The following LRTM3 variants were observed in gnomAD, a reference collection of about 807,000 sequenced individuals.
LRTM3 encodes leucine rich repeat transmembrane protein 3, also known as leucine-rich repeat transmembrane protein 3.
chr13:102,740,329 T>C, the LRTM3 span: 2 of 1,550,300 alleles, frequency 1.3e-6, no homozygotes, highest in Non-Finnish European at 1.7e-6. Context: ...CAATCCATTC[T>C]AGTCTATTCT....
At chr13:102,740,517 A>G in the LRTM3 span, 2 of 1,549,938 alleles carry the variant, frequency 1.3e-6, no homozygotes, top group South Asian at 1.2e-5. Flanking sequence ...ATTGGTAGGT[A>G]CTGCCATTTT....
At chr13:102,746,081 A>G in the LRTM3 span, 1 of 1,551,118 alleles carries the variant, frequency 6.4e-7, no homozygotes, top group East Asian at 2.4e-5. Context: ...GGCTTTTTGT[A>G]GTTCTTCAGC....
the LRTM3 span, chr13:102,738,139 T>C: frequency 6.4e-7 from 1 of 1,551,156 alleles, no homozygotes; most frequent in Non-Finnish European, 8.7e-7. Context: ...TATTCAATGG[T>C]AGGTCCTGTG....
At chr13:102,749,052 G>A in the LRTM3 span, 1 of 1,550,544 alleles carries the variant, frequency 6.4e-7, no homozygotes. Context: ...GGCAGAATAA[G>A]CTTGGAAACA....
chr13:102,732,790 T>A, the LRTM3 span: 1 of 1,551,396 alleles, frequency 6.4e-7, no homozygotes, highest in Non-Finnish European at 8.7e-7. Flanking sequence ...TTGTGCCTAT[T>A]TTTAATTTCC....
At chr13:102,740,487 C>T in the LRTM3 span, 204 of 1,550,010 alleles carry the variant, frequency 1.3e-4, 1 homozygote, top group African/African-American at 2.6e-3. Context: ...GATATATGCT[C>T]CCAAAAGTTC....
chr13:102,753,494 T>TAAAAAAAAAAAAAAAAA, the LRTM3 span, among the ~76,000 whole-genome samples: 1 of 124,440 alleles, frequency 8.0e-6, no homozygotes, highest in African/African-American at 3.4e-5. Context: ...AAAGTAAAAT[T>TAAAAAAAAAAAAAAAAA]AAAAAAAAAA....
the LRTM3 span, chr13:102,737,069 G>A: frequency 1.9e-6 from 3 of 1,551,000 alleles, no homozygotes; most frequent in African/African-American, 4.1e-5. Flanking sequence ...TACTTCTCTA[G>A]TTTTTGAGCC....
At chr13:102,735,306 T>G in the LRTM3 span, 1 of 1,551,136 alleles carries the variant, frequency 6.4e-7, no homozygotes, top group Non-Finnish European at 8.7e-7. Context: ...TTTAATTGCT[T>G]TACATCACTT....
the LRTM3 span, chr13:102,735,218 A>G: frequency 6.4e-7 from 1 of 1,551,326 alleles, no homozygotes. Context: ...CTTCAAATAC[A>G]TTTTGTTGGG....
the LRTM3 span, among the ~76,000 whole-genome samples, chr13:102,752,656 G>C: frequency 2.0e-5 from 3 of 152,136 alleles, no homozygotes; most frequent in Admixed American, 6.5e-5. Context: ...TCAAATTTTA[G>C]AGCACTTATT....
the LRTM3 span, among the ~76,000 whole-genome samples, chr13:102,753,494 T>TAAAAAAAAAA: frequency 8.0e-6 from 1 of 124,440 alleles, no homozygotes. Flanking sequence ...AAAGTAAAAT[T>TAAAAAAAAAA]AAAAAAAAAA....
the LRTM3 span, among the ~76,000 whole-genome samples, chr13:102,756,230 G>C: frequency 6.6e-6 from 1 of 150,774 alleles, no homozygotes; most frequent in African/African-American, 2.4e-5. Context: ...GGGATTACAG[G>C]CGTGAGCCAC....
chr13:102,755,620 A>C, the LRTM3 span, among the ~76,000 whole-genome samples: 2 of 152,104 alleles, frequency 1.3e-5, no homozygotes, highest in Non-Finnish European at 2.9e-5. Context: ...GGACACAGGG[A>C]GGGGAACAAC....
At chr13:102,740,168 T>C in the LRTM3 span, 2 of 1,547,940 alleles carry the variant, frequency 1.3e-6, no homozygotes, top group South Asian at 2.4e-5. Context: ...GGGTGAGCTA[T>C]TATTTGATAT....
the LRTM3 span, chr13:102,746,732 G>T: frequency 3.2e-6 from 5 of 1,550,948 alleles, no homozygotes; most frequent in South Asian, 5.9e-5. Flanking sequence ...TGGTATTTCT[G>T]TCTTTTCTTC....
the LRTM3 span, chr13:102,738,108 C>T: frequency 6.4e-7 from 1 of 1,550,978 alleles, no homozygotes. Context: ...GCTTCTTGAT[C>T]CATTTTCCCT....
the LRTM3 span, chr13:102,744,146 T>C: frequency 1.3e-6 from 2 of 1,550,584 alleles, no homozygotes; most frequent in South Asian, 2.4e-5. Context: ...ACGGTGTTGC[T>C]TTTTCTTTCT....
At chr13:102,743,584 G>A in the LRTM3 span, 1 of 1,549,852 alleles carries the variant, frequency 6.5e-7, no homozygotes, top group Non-Finnish European at 8.7e-7. Context: ...GGTTTTTAGA[G>A]TCAGATAAAA....
Sources: gnomAD v4.1 joint callset for allele counts (sites outside exome capture counted in the v4.1 genomes callset) on GRCh38, gnomAD v4.1.1 for gene constraint, MANE v1.5 for transcripts, NCBI Gene and HGNC (gene_info 2026-07-23, HGNC 2026-07-21) for gene names.